Variants in PDIA5 observed in about 807,000 individuals in gnomAD.
PDIA5 encodes the protein protein disulfide isomerase family A member 5.
A neutral mutation model predicts 77.6 loss-of-function variants in PDIA5; 58 were observed. That is an observed-to-expected ratio of 0.75 (90% CI 0.61 to 0.93). The LOEUF (loss-of-function observed/expected upper bound fraction) is 0.93, where lower values mean the gene tolerates loss of function less well. Among genes scored for constraint, PDIA5 ranks in the 40% least tolerant of loss-of-function variants. The pLI, the probability that PDIA5 is intolerant of heterozygous loss-of-function variation, is 0.00. For missense variants in PDIA5, 630 were observed against 647.7 expected, an observed-to-expected ratio of 0.97 and a Z score of 0.30; for synonymous variants, 250 against 252.1, an observed-to-expected ratio of 0.99 and a Z score of 0.08.
chr3:123,130,477 C>T lies in PDIA5; in HGVS notation c.774-3C>T. 1 of 1,612,332 alleles carries T rather than the reference C, an allele frequency of 6.2e-7. No homozygotes were observed. The highest frequency in any genetic ancestry group is 8.5e-7 in the Non-Finnish European group (1 of 1,179,168). ...TGAGCTCTGCCTGTTTTTGGTCTTC[C>T]AGTCCGCAGCCGCCACAGCCCCAGG... On this transcript the variant is annotated splice_region_variant and splice_polypyrimidine_tract_variant and intron_variant, in intron 10 of 16. Coordinates refer to ENST00000316218, the MANE Select transcript of PDIA5 (RefSeq NM_006810.4).
intron 6 of PDIA5, among the ~76,000 whole-genome samples, chr3:123,107,688 A>G (rs555576946): frequency 2.0e-5 from 3 of 152,328 alleles, no homozygotes. Flanking sequence ...ATGGTCTGTG[A>G]GGCAAGCAGT....
chr3:123,069,157 C>A (rs1365060131), intron 1 of PDIA5, among the ~76,000 whole-genome samples: 1 of 152,110 alleles, frequency 6.6e-6, no homozygotes, highest in Non-Finnish European at 1.5e-5. Flanking sequence ...TGCTGGACAG[C>A]GCGTTGGGTC....
chr3:123,137,352 T>C (rs1935526207), intron 11 of PDIA5, among the ~76,000 whole-genome samples: 1 of 152,254 alleles, frequency 6.6e-6, no homozygotes, highest in African/African-American at 2.4e-5. Flanking sequence ...ATTTTTCTGC[T>C]AGGTCTTTTT....
In PDIA5 at chr3:123,086,311, G is replaced by A. The variant is rs569084923; in HGVS notation, c.43-2857G>A. Among the ~76,000 whole-genome samples the A allele has an allele frequency of 9.2e-5, 14 of 152,290 alleles. 1 individual carries two copies. In the South Asian group the frequency reaches 2.9e-3, roughly 32 times the overall value. ...TCCCACGAGGGAAGTATCATTATCT[G>A]TATGTCAGACAGGAGTCACTAAGCC... On this transcript the variant is annotated intron_variant, in intron 1 of 16. Coordinates refer to ENST00000316218, the MANE Select transcript of PDIA5 (RefSeq NM_006810.4).
intron 9 of PDIA5, 51 bp from the exon 10 acceptor site, chr3:123,124,221 G>T: frequency 1.9e-6 from 3 of 1,578,126 alleles, no homozygotes; most frequent in Non-Finnish European, 2.6e-6. Context: ...TAATCTCAGG[G>T]TGGCATTTGC....
intron 2 of PDIA5, among the ~76,000 whole-genome samples, chr3:123,090,392 T>C (rs1054914457): frequency 2.0e-5 from 3 of 152,192 alleles, no homozygotes; most frequent in Non-Finnish European, 4.4e-5. Context: ...AGGAGGACTG[T>C]CAGTGATAGA....
At chr3:123,153,705 G>T (rs920937598) in intron 14 of PDIA5, among the ~76,000 whole-genome samples, 1 of 152,174 alleles carries the variant, frequency 6.6e-6, no homozygotes, top group Non-Finnish European at 1.5e-5. Flanking sequence ...TGGCCACTCT[G>T]CCAGCCAGGC....
rs190022630 is a variant in PDIA5, at chr3:123,096,365, T to C, written c.257+3923T>C. 5.8e-4 allele frequency among the ~76,000 whole-genome samples: 89 copies of C among 152,194 alleles called. 1 individual carries two copies. In the East Asian group the frequency reaches 0.013, roughly 22 times the overall value. ...CCACGCTCAGCTAAGTTTTGTATTT[T>C]TTTTATAGAGACCAGGTTTTGCCAT... On this transcript the variant is annotated intron_variant, in intron 3 of 16. Transcript: ENST00000316218.
intron 15 of PDIA5, among the ~76,000 whole-genome samples, chr3:123,156,593 G>T (rs548608253): frequency 2.0e-5 from 3 of 152,166 alleles, no homozygotes; most frequent in Admixed American, 1.3e-4. Context: ...CGTCCATCAC[G>T]TGCCACCCAG....
At chr3:123,084,679 C>A (rs780414043) in intron 1 of PDIA5, among the ~76,000 whole-genome samples, 3 of 152,182 alleles carry the variant, frequency 2.0e-5, no homozygotes, top group South Asian at 2.1e-4. Flanking sequence ...CGTTCTTCCA[C>A]CTTTGGCTGT....
chr3:123,157,765 A>T (rs1936052358), intron 15 of PDIA5, among the ~76,000 whole-genome samples: 1 of 152,096 alleles, frequency 6.6e-6, no homozygotes, highest in Non-Finnish European at 1.5e-5. Flanking sequence ...TTACTTGGGG[A>T]CTTTATCGGT....
At chr3:123,077,811 T>TC (rs1181082011) in intron 1 of PDIA5, among the ~76,000 whole-genome samples, 1 of 147,724 alleles carries the variant, frequency 6.8e-6, no homozygotes, top group Non-Finnish European at 1.5e-5. Flanking sequence ...AAATTAATGT[T>TC]CTTTTTTTTT....
At chr3:123,148,294 A>G (rs1224651005) in intron 13 of PDIA5, among the ~76,000 whole-genome samples, 1 of 152,186 alleles carries the variant, frequency 6.6e-6, no homozygotes, top group Non-Finnish European at 1.5e-5. Flanking sequence ...CTGGCCGGGC[A>G]CGGTGGCTCA....
chr3:123,093,643 G>A (rs1293143810), intron 3 of PDIA5, among the ~76,000 whole-genome samples: 1 of 152,186 alleles, frequency 6.6e-6, no homozygotes, highest in East Asian at 1.9e-4. Flanking sequence ...TGTGCTTTGA[G>A]AATACGCAGA....
At chr3:123,152,102 TTCCTTC>T (rs1935926711) in intron 14 of PDIA5, among the ~76,000 whole-genome samples, 1 of 9,744 alleles carries the variant, frequency 1.0e-4, no homozygotes, top group Non-Finnish European at 1.8e-4. Context: ...CCTTCCTGCC[TTCCTTC>T]CTTCCTTCCT....
chr3:123,124,598 G>A (rs1338054963), intron 10 of PDIA5, among the ~76,000 whole-genome samples: 1 of 152,204 alleles, frequency 6.6e-6, no homozygotes, highest in African/African-American at 2.4e-5. Flanking sequence ...TGGGTGTGGA[G>A]TCTGTCTCCC....
intron 1 of PDIA5, among the ~76,000 whole-genome samples, chr3:123,084,970 C>T (rs1934098505): frequency 6.6e-6 from 1 of 152,210 alleles, no homozygotes; most frequent in Non-Finnish European, 1.5e-5. Context: ...TTCCCACTCT[C>T]TTCCTGCACC....
intron 11 of PDIA5, among the ~76,000 whole-genome samples, chr3:123,139,947 G>A (rs892827940): frequency 6.6e-6 from 1 of 152,188 alleles, no homozygotes; most frequent in South Asian, 2.1e-4. Flanking sequence ...CAAGTGAGCA[G>A]ATTACTCCAG....
At chr3:123,159,828 T>G (rs1215351611) in intron 15 of PDIA5, among the ~76,000 whole-genome samples, 1 of 152,150 alleles carries the variant, frequency 6.6e-6, no homozygotes, top group Admixed American at 6.5e-5. Flanking sequence ...ACCTCACTCT[T>G]CTCTTCAGCT....
Sources: allele counts gnomAD v4.1 joint callset (sites outside exome capture counted in the v4.1 genomes callset), GRCh38; gene constraint gnomAD v4.1.1; transcripts MANE v1.5; gene names NCBI Gene and HGNC (gene_info 2026-07-23, HGNC 2026-07-21).